ATRNL1: variants seen among roughly 807,000 people sequenced by gnomAD.
ATRNL1 encodes the protein attractin-like protein 1.
A neutral mutation model predicts 182.7 loss-of-function variants in ATRNL1; 95 were observed. That is an observed-to-expected ratio of 0.52 (90% CI 0.44 to 0.62). ATRNL1 has a LOEUF of 0.62. Ranked by LOEUF, ATRNL1 falls within the 20% of genes least tolerant of loss-of-function variation. The probability of loss-of-function intolerance (pLI) is 0.00; values close to 1 mark genes in which losing one functional copy is unlikely to be tolerated. For synonymous variants in ATRNL1, 576 were observed against 568.3 expected, an observed-to-expected ratio of 1.01 and a Z score of -0.19; for missense variants, 1,471 against 1,679.5, an observed-to-expected ratio of 0.88 and a Z score of 2.17.
chr10:115,929,252 T>C (rs140450748), intron 28 of ATRNL1, among the ~76,000 whole-genome samples: 1 of 152,224 alleles, frequency 6.6e-6, no homozygotes, highest in East Asian at 1.9e-4. Context: ...TAGGAATTTG[T>C]GTAATAATAA....
At chr10:115,202,266 A>G (rs1407800832) in intron 8 of ATRNL1, among the ~76,000 whole-genome samples, 30 of 151,358 alleles carry the variant, frequency 2.0e-4, no homozygotes, top group Admixed American at 1.5e-3. Context: ...TTCCAACACT[A>G]TGTTGAATAG....
At position 115,093,420 on chromosome 10, in the gene ATRNL1, C is replaced by A. The variant is rs1265110424; in HGVS notation, c.-331C>A. On this transcript the variant is annotated 5_prime_UTR_variant, in exon 1 of 29. Coordinates refer to ENST00000355044, the MANE Select transcript of ATRNL1 (RefSeq NM_207303.4). This position sits in a 1 kb window ranked among gnomAD's most constrained non-coding sequence, Gnocchi z 6.1. Reference sequence around the variant, plus strand: ...CGCGCGCGGGGTCCCCTCCTCCTGCCGGTCAGGTCCCCTCAGGAGCGCCGG... The same window carrying A: ...CGCGCGCGGGGTCCCCTCCTCCTGCAGGTCAGGTCCCCTCAGGAGCGCCGG... The A allele has an allele frequency of 6.5e-6, 2 of 307,248 alleles. No individual in the cohort carries two copies. Among genetic ancestry groups the A allele is most frequent in the Non-Finnish European group, 1.2e-5 (2 of 167,074 alleles). The allele number at this position is 307,248 out of a possible 1,614,324, so 19.0% of individuals were successfully genotyped here. A position where few individuals can be genotyped will look rare whatever the true frequency, so the allele number is the denominator to read the frequency against.
intron 21 of ATRNL1, among the ~76,000 whole-genome samples, chr10:115,436,101 G>A (rs568976621): frequency 1.3e-5 from 2 of 152,108 alleles, no homozygotes; most frequent in South Asian, 4.1e-4. Flanking sequence ...CGGACATAGG[G>A]TAATACTATT....
At chr10:115,733,003 A>C (rs1294030078) in intron 27 of ATRNL1, among the ~76,000 whole-genome samples, 1 of 152,208 alleles carries the variant, frequency 6.6e-6, no homozygotes, top group Non-Finnish European at 1.5e-5. Flanking sequence ...GTGACTTACT[A>C]AACTGCAATA....
intron 28 of ATRNL1, among the ~76,000 whole-genome samples, chr10:115,890,521 T>C (rs933970013): frequency 2.2e-4 from 33 of 152,226 alleles, no homozygotes; most frequent in Non-Finnish European, 4.3e-4. Flanking sequence ...TCAGATCATC[T>C]TTTGAAAATT....
chr10:115,263,672 A>G (rs1188962269), intron 10 of ATRNL1, among the ~76,000 whole-genome samples: 1 of 151,836 alleles, frequency 6.6e-6, no homozygotes, highest in East Asian at 1.9e-4. Context: ...TTTATACTTT[A>G]TATAATTTCT....
intron 1 of ATRNL1, among the ~76,000 whole-genome samples, chr10:115,103,614 A>G (rs2143453462): frequency 6.6e-6 from 1 of 152,276 alleles, no homozygotes; most frequent in Middle Eastern, 3.4e-3. Context: ...TACCTCAAGC[A>G]TTTATCCTTT....
Position 115,127,582 on chromosome 10 carries a change from T to C in ATRNL1, c.492-11T>C, listed in dbSNP as rs1000929511. ...TCTATACATACAATATTCAGTTTTG[T>C]TCTCTTTTAGTGGTTTGATAGTCCC... On this transcript the variant is annotated splice_polypyrimidine_tract_variant and intron_variant, in intron 3 of 28. Transcript: ENST00000355044. 3.7e-6 allele frequency: 6 copies of C among 1,603,578 alleles called. No individual in the cohort carries two copies. In the African/African-American group the frequency reaches 8.1e-5, roughly 22 times the overall value.
intron 15 of ATRNL1, among the ~76,000 whole-genome samples, chr10:115,291,309 T>C (rs1852891084): frequency 6.6e-6 from 1 of 152,214 alleles, no homozygotes; most frequent in African/African-American, 2.4e-5. Flanking sequence ...TTATTTCTTC[T>C]GTTGCCTAAT....
intron 1 of ATRNL1, among the ~76,000 whole-genome samples, chr10:115,096,118 T>A (rs1382287761): frequency 2.0e-5 from 3 of 152,194 alleles, no homozygotes; most frequent in Non-Finnish European, 4.4e-5. Flanking sequence ...GAATAGATAT[T>A]TGATGTAGAT....
intron 26 of ATRNL1, among the ~76,000 whole-genome samples, chr10:115,579,330 AGTT>A (rs1854926374): frequency 6.6e-6 from 1 of 151,738 alleles, no homozygotes; most frequent in South Asian, 2.1e-4. Flanking sequence ...TTCTCTCTTT[AGTT>A]GTTAATGTTT....
chr10:115,426,981 CCAAAGT>C (rs1845933437), intron 21 of ATRNL1, among the ~76,000 whole-genome samples: 2 of 152,118 alleles, frequency 1.3e-5, no homozygotes, highest in Non-Finnish European at 2.9e-5. Context: ...CCTTGGCCTC[CCAAAGT>C]GCTGTGATTA....
At chr10:115,612,838 G>A (rs992379103) in intron 26 of ATRNL1, among the ~76,000 whole-genome samples, 2 of 151,602 alleles carry the variant, frequency 1.3e-5, no homozygotes, top group Admixed American at 6.6e-5. Flanking sequence ...TCCATTTGTG[G>A]AATCCAAGTT....
At chr10:115,470,996 T>C (rs371403909) in intron 24 of ATRNL1, among the ~76,000 whole-genome samples, 6 of 150,852 alleles carry the variant, frequency 4.0e-5, no homozygotes, top group African/African-American at 1.2e-4. Flanking sequence ...TCCCTTTCAA[T>C]AAGTTCATAA....
At chr10:115,293,679 CTG>C (rs1444550695) in intron 15 of ATRNL1, among the ~76,000 whole-genome samples, 1 of 152,096 alleles carries the variant, frequency 6.6e-6, no homozygotes, top group Non-Finnish European at 1.5e-5. Context: ...TAGATTTTGT[CTG>C]TGGAAGATAT....
At chr10:115,911,881 C>G (rs1306092135) in intron 28 of ATRNL1, among the ~76,000 whole-genome samples, 1 of 152,154 alleles carries the variant, frequency 6.6e-6, no homozygotes, top group African/African-American at 2.4e-5. Context: ...CCGTGTTTCT[C>G]CCCGTTCCTC....
At chr10:115,933,528 GT>G (rs1953467667) in intron 28 of ATRNL1, among the ~76,000 whole-genome samples, 1 of 152,184 alleles carries the variant, frequency 6.6e-6, no homozygotes, top group African/African-American at 2.4e-5. Flanking sequence ...CAGCAGGGAT[GT>G]CCAGGTCTTT....
intron 26 of ATRNL1, among the ~76,000 whole-genome samples, chr10:115,645,610 T>C (rs1399236292): frequency 2.0e-5 from 3 of 151,870 alleles, no homozygotes; most frequent in South Asian, 2.1e-4. Flanking sequence ...CAAACTGAAC[T>C]CTTGGCACAC....
intron 7 of ATRNL1, among the ~76,000 whole-genome samples, chr10:115,166,293 A>G (rs1847037227): frequency 6.6e-6 from 1 of 152,018 alleles, no homozygotes; most frequent in Non-Finnish European, 1.5e-5. Context: ...CATTTTGTTT[A>G]TCCATCCATC....
Sources: gnomAD v4.1 joint callset for allele counts (sites outside exome capture counted in the v4.1 genomes callset) on GRCh38, gnomAD v4.1.1 for gene constraint, Gnocchi (gnomAD v3.1) non-coding constraint, MANE v1.5 for transcripts, NCBI Gene and HGNC (gene_info 2026-07-23, HGNC 2026-07-21) for gene names.